The following ACTN1 variants were observed in gnomAD, a reference collection of about 807,000 sequenced individuals.
The protein encoded by ACTN1 is alpha-actinin-1.
ACTN1 carries 30 observed loss-of-function variants against 119.6 expected under a neutral mutation model. The ratio of observed to expected loss-of-function variants is 0.25; its 90% CI spans 0.19 to 0.34. The LOEUF (loss-of-function observed/expected upper bound fraction) is 0.34. Among genes scored for constraint, ACTN1 ranks in the 10% least tolerant of loss-of-function variants. The probability of loss-of-function intolerance (pLI) is 1.00; values close to 1 mark genes in which losing one functional copy is unlikely to be tolerated. For missense variants in ACTN1, 764 were observed against 1,223.4 expected, an observed-to-expected ratio of 0.62 and a Z score of 5.60; for synonymous variants, 429 against 472.6, an observed-to-expected ratio of 0.91 and a Z score of 1.20.
intron 6 of ACTN1, among the ~76,000 whole-genome samples, chr14:68,906,281 G>C (rs978468214): frequency 1.3e-5 from 2 of 152,184 alleles, no homozygotes; most frequent in Admixed American, 1.3e-4. Flanking sequence ...TTTTAATGCA[G>C]AGGATAAAAA....
At chr14:68,913,714 G>A (rs1228064324) in intron 3 of ACTN1, among the ~76,000 whole-genome samples, 2 of 152,198 alleles carry the variant, frequency 1.3e-5, no homozygotes, top group Non-Finnish European at 2.9e-5. Flanking sequence ...GTCCACTTTG[G>A]ACTTGGAATA....
At chr14:68,887,319 G>A (rs1225869177) in intron 11 of ACTN1, 32 of 353,708 alleles carry the variant, frequency 9.0e-5, no homozygotes, top group Non-Finnish European at 1.5e-4. Context: ...GTTACAGAGT[G>A]CACAATTCTG....
chr14:68,894,673 G>A (rs895400799), intron 8 of ACTN1, among the ~76,000 whole-genome samples: 3 of 152,222 alleles, frequency 2.0e-5, no homozygotes, highest in East Asian at 1.9e-4. Flanking sequence ...CCTTTTGGGG[G>A]CCAGAGGGTA....
intron 11 of ACTN1, chr14:68,888,231 G>C: frequency 5.1e-6 from 2 of 391,324 alleles, no homozygotes; most frequent in Non-Finnish European, 9.6e-6. Context: ...TCCCAGGTCA[G>C]AGTGTAGTAA....
chr14:68,903,641 G>C (rs1269817982), intron 7 of ACTN1, among the ~76,000 whole-genome samples: 1 of 152,120 alleles, frequency 6.6e-6, no homozygotes, highest in Non-Finnish European at 1.5e-5. Flanking sequence ...CTTCAGCACT[G>C]AGCAGTTGGG....
intron 1 of ACTN1, among the ~76,000 whole-genome samples, chr14:68,955,676 G>A (rs962516521): frequency 6.6e-6 from 1 of 152,200 alleles, no homozygotes; most frequent in Non-Finnish European, 1.5e-5. Context: ...TGGGCAGGGT[G>A]GGCCACCTGC....
chr14:68,979,151 T>A lies in ACTN1; in HGVS notation c.-95A>T. 2.4e-6 allele frequency: 1 copy of A among 414,532 alleles called. No homozygotes were observed. Among genetic ancestry groups the A allele is most frequent in the Non-Finnish European group, 4.3e-6 (1 of 233,910 alleles). The allele number at this position is 414,532 out of a possible 1,614,324, so 25.7% of individuals were successfully genotyped here. On this transcript the variant is annotated 5_prime_UTR_variant, in exon 1 of 22. Transcript: ENST00000394419. ...GCGTGGGGAGGGAGTAGGGCTGGGC[T>A]GGGCTGGGCTGGCGGGGCCGGGCTC... is the stretch of plus-strand genomic sequence containing the variant.
chr14:68,954,315 A>AATTTATTT (rs377224619), intron 1 of ACTN1, among the ~76,000 whole-genome samples: 1 of 151,722 alleles, frequency 6.6e-6, no homozygotes, highest in Non-Finnish European at 1.5e-5. Flanking sequence ...ACACACAGAG[A>AATTTATTT]ATTTATTTAT....
At chr14:68,899,081 C>T (rs1269275011) in intron 8 of ACTN1, among the ~76,000 whole-genome samples, 62 of 146,346 alleles carry the variant, frequency 4.2e-4, no homozygotes, top group Non-Finnish European at 8.5e-4. Context: ...ACCACACACA[C>T]ACCTCACACC....
rs1443725322 is a variant in ACTN1, at chr14:68,885,401, G to T, written c.1385+24C>A. 3 of 1,602,234 alleles carry T rather than the reference G, an allele frequency of 1.9e-6. No homozygotes were observed. Among genetic ancestry groups the T allele is most frequent in the Non-Finnish European group, 2.6e-6 (3 of 1,173,066 alleles). ...CCCAGCCTCAGCCCCTCACCACAGGGTAGGGGTGTCTGGGGCCACCTACTT... is the reference window on the plus strand; with the variant it reads ...CCCAGCCTCAGCCCCTCACCACAGGTTAGGGGTGTCTGGGGCCACCTACTT... On this transcript the variant is annotated intron_variant, in intron 12 of 21. Transcript: ENST00000394419. The surrounding 1 kb of genome is among the most constrained non-coding windows in gnomAD (Gnocchi z 5.6).
At chr14:68,887,817 C>G in intron 11 of ACTN1, 1 of 884,216 alleles carries the variant, frequency 1.1e-6, no homozygotes, top group Non-Finnish European at 1.9e-6. Flanking sequence ...TCTCCTGCTT[C>G]ATCAGAGGCT....
At chr14:68,927,322 T>C (rs998972726) in intron 1 of ACTN1, among the ~76,000 whole-genome samples, 4 of 152,216 alleles carry the variant, frequency 2.6e-5, no homozygotes, top group African/African-American at 9.6e-5. Context: ...TCACCCATTA[T>C]GCCTAGCCAC....
chr14:68,940,259 G>GT (rs1312749582), intron 1 of ACTN1, among the ~76,000 whole-genome samples: 1 of 152,126 alleles, frequency 6.6e-6, no homozygotes, highest in East Asian at 1.9e-4. Context: ...AGGTCATTTG[G>GT]TTTTTTTGGC....
Position 68,909,750 on chromosome 14 carries a change from G to A in ACTN1, c.515+205C>T, listed in dbSNP as rs2033889744. ...AAAAGCATCAACCAAAGTTATATCA[G>A]GCAGCAGCCCCATCTAAGACACTGC... On this transcript the variant is annotated intron_variant, in intron 5 of 21. Transcript: ENST00000394419. The surrounding 1 kb of genome is among the most constrained non-coding windows in gnomAD (Gnocchi z 4.1). Among the ~76,000 whole-genome samples the A allele has an allele frequency of 6.6e-6, 1 of 152,166 alleles. No individual in the cohort carries two copies. The highest frequency in any genetic ancestry group is 2.1e-4 in the South Asian group (1 of 4,834).
At chr14:68,915,725 A>G (rs1209158007) in intron 3 of ACTN1, among the ~76,000 whole-genome samples, 1 of 152,232 alleles carries the variant, frequency 6.6e-6, no homozygotes, top group African/African-American at 2.4e-5. Context: ...TACGACAAAC[A>G]GATGATGAGG....
intron 8 of ACTN1, among the ~76,000 whole-genome samples, chr14:68,896,505 T>G (rs888835266): frequency 7.9e-5 from 12 of 152,172 alleles, no homozygotes; most frequent in Admixed American, 6.5e-4. Flanking sequence ...TTTTCTAGCT[T>G]TTTCCTCTCA....
At chr14:68,946,809 C>CA (rs1290734667) in intron 1 of ACTN1, among the ~76,000 whole-genome samples, 1 of 152,236 alleles carries the variant, frequency 6.6e-6, no homozygotes, top group Non-Finnish European at 1.5e-5. Flanking sequence ...TCCTTCCTGT[C>CA]ACTCCATCTC....
chr14:68,946,087 G>A (rs2268982), intron 1 of ACTN1, among the ~76,000 whole-genome samples: 61,685 of 151,766 alleles, frequency 0.41, 13,342 homozygotes, highest in East Asian at 0.78. Context: ...CTCAGTCAGC[G>A]TGACTCTCCC....
In ACTN1 at chr14:68,880,453, G is replaced by GCA. The variant is rs2031397059; in HGVS notation, c.2134-347_2134-346dup. Among the ~76,000 whole-genome samples, 3 of 119,526 alleles carry GCA rather than the reference G, an allele frequency of 2.5e-5. No individual in the cohort carries two copies. The highest frequency in any genetic ancestry group is 3.4e-5 in the Non-Finnish European group (2 of 59,082). 78.4% of individuals were successfully genotyped at this position (119,526 alleles called of 152,430 possible). On this transcript the variant is annotated intron_variant, in intron 17 of 21. Coordinates refer to ENST00000394419, the MANE Select transcript of ACTN1 (RefSeq NM_001130004.2). The surrounding 1 kb of genome is among the most constrained non-coding windows in gnomAD (Gnocchi z 4.6). ...AACCTCCAACCCCACAGCCACGCGC[G>GCA]CACACACACATACACACACACACAC...
Sources: allele counts gnomAD v4.1 joint callset (sites outside exome capture counted in the v4.1 genomes callset), GRCh38; gene constraint gnomAD v4.1.1; non-coding constraint Gnocchi (gnomAD v3.1); transcripts MANE v1.5; gene names NCBI Gene and HGNC (gene_info 2026-07-23, HGNC 2026-07-21).